Variants in IMMP2L observed in about 807,000 individuals in gnomAD.
IMMP2L encodes inner mitochondrial membrane peptidase subunit 2, also known as mitochondrial inner membrane protease subunit 2.
IMMP2L carries 18 observed loss-of-function variants against 19.3 expected under a neutral mutation model. The observed-to-expected ratio is 0.93, with a 90% CI of 0.64 to 1.38. The LOEUF is 1.38. Ranked by LOEUF, IMMP2L falls within the 40% of genes most tolerant of loss-of-function variation. The pLI is 0.00. For synonymous variants in IMMP2L, 76 were observed against 73.0 expected (o/e 1.04, Z -0.21); for missense variants, 233 against 218.2 (o/e 1.07, Z -0.43).
chr7:111,342,815 T>C (rs980947593), intron 3 of IMMP2L, among the ~76,000 whole-genome samples: 4 of 152,040 alleles, frequency 2.6e-5, no homozygotes, highest in Admixed American at 6.6e-5. Context: ...GTAGTAAGTA[T>C]TCACTCTTTC....
At chr7:111,401,411 A>G (rs551141181) in intron 3 of IMMP2L, among the ~76,000 whole-genome samples, 54 of 152,292 alleles carry the variant, frequency 3.5e-4, no homozygotes, top group African/African-American at 1.2e-3. Flanking sequence ...AAGGCAGAAT[A>G]TGGTTCTTTA....
chr7:111,307,048 TCC>T (rs1278533864), intron 3 of IMMP2L, among the ~76,000 whole-genome samples: 1 of 150,126 alleles, frequency 6.7e-6, no homozygotes, highest in African/African-American at 2.4e-5. Context: ...CTTTATATAG[TCC>T]TTAGTTTATC....
chr7:110,899,784 ACC>A (rs1293906676), intron 4 of IMMP2L, among the ~76,000 whole-genome samples: 1 of 152,158 alleles, frequency 6.6e-6, no homozygotes, highest in Non-Finnish European at 1.5e-5. Context: ...GGATCAGAGC[ACC>A]TGTATGTTTG....
intron 3 of IMMP2L, among the ~76,000 whole-genome samples, chr7:111,062,304 C>G (rs1794091589): frequency 1.3e-5 from 2 of 152,156 alleles, no homozygotes; most frequent in Admixed American, 6.5e-5. Context: ...TTAAAACCAT[C>G]AGATTTCATG....
At chr7:111,483,134 T>C (rs1842337113) in intron 3 of IMMP2L, among the ~76,000 whole-genome samples, 1 of 152,162 alleles carries the variant, frequency 6.6e-6, no homozygotes, top group Admixed American at 6.5e-5. Flanking sequence ...ACTATGGTTC[T>C]ATATAATGTT....
At chr7:111,238,215 A>G (rs1814568648) in intron 3 of IMMP2L, among the ~76,000 whole-genome samples, 1 of 152,032 alleles carries the variant, frequency 6.6e-6, no homozygotes, top group Non-Finnish European at 1.5e-5. Flanking sequence ...ATCCTGTACC[A>G]TAAGGAAGAA....
intron 3 of IMMP2L, among the ~76,000 whole-genome samples, chr7:111,183,198 T>C (rs1807905708): frequency 6.6e-6 from 1 of 152,128 alleles, no homozygotes; most frequent in Non-Finnish European, 1.5e-5. Flanking sequence ...TAATAATGCA[T>C]AAACATTGTG....
chr7:110,762,571 T>C (rs755824661), intron 5 of IMMP2L, among the ~76,000 whole-genome samples: 1 of 152,178 alleles, frequency 6.6e-6, no homozygotes, highest in Non-Finnish European at 1.5e-5. Flanking sequence ...CTTCACTCTT[T>C]TGTATCCTTC....
chr7:111,520,984 G>A (rs1846275888), intron 2 of IMMP2L, among the ~76,000 whole-genome samples: 1 of 151,938 alleles, frequency 6.6e-6, no homozygotes, highest in African/African-American at 2.4e-5. Context: ...CTAATAATTT[G>A]GCATTAAAAG....
chr7:111,430,240 C>T (rs908614834), intron 3 of IMMP2L, among the ~76,000 whole-genome samples: 3 of 151,576 alleles, frequency 2.0e-5, no homozygotes, highest in African/African-American at 4.9e-5. Flanking sequence ...TAAAGAAATA[C>T]GTTTGAATTT....
At chr7:111,557,907 T>A (rs1227273243) in intron 1 of IMMP2L, among the ~76,000 whole-genome samples, 2 of 151,112 alleles carry the variant, frequency 1.3e-5, no homozygotes, top group Non-Finnish European at 3.0e-5. Context: ...GGACTTTGAG[T>A]ATAGAAAAAA....
intron 3 of IMMP2L, among the ~76,000 whole-genome samples, chr7:111,480,278 T>A (rs575526171): frequency 6.6e-6 from 1 of 151,714 alleles, no homozygotes; most frequent in African/African-American, 2.4e-5. Flanking sequence ...AGAGATGGGG[T>A]TTCACCGTAG....
At chr7:111,444,860 T>A (rs1838147461) in intron 3 of IMMP2L, among the ~76,000 whole-genome samples, 1 of 152,078 alleles carries the variant, frequency 6.6e-6, no homozygotes, top group Admixed American at 6.5e-5. Context: ...AGTAGGAAGG[T>A]CTGTCCCTTC....
intron 5 of IMMP2L, among the ~76,000 whole-genome samples, chr7:110,699,445 C>A (rs984557459): frequency 2.0e-5 from 3 of 152,074 alleles, no homozygotes; most frequent in Non-Finnish European, 4.4e-5. Context: ...ACAGGTAGAA[C>A]CTGTGACTTG....
At chr7:110,941,898 G>A (rs1585364346) in intron 4 of IMMP2L, among the ~76,000 whole-genome samples, 1 of 150,726 alleles carries the variant, frequency 6.6e-6, no homozygotes, top group African/African-American at 2.4e-5. Context: ...AATTATGGAT[G>A]TACTGGGGAG....
chr7:110,933,919 T>G (rs1815789231), intron 4 of IMMP2L, among the ~76,000 whole-genome samples: 1 of 152,210 alleles, frequency 6.6e-6, no homozygotes, highest in African/African-American at 2.4e-5. Flanking sequence ...CTAGTTCTTT[T>G]AATTGTGATG....
In IMMP2L at chr7:111,411,094, A is replaced by G. The variant is rs115934452; in HGVS notation, c.239+76144T>C. On this transcript the variant is annotated intron_variant, in intron 3 of 5. Transcript: ENST00000405709. Reference sequence around the variant, plus strand: ...GACATGATATAATCAAATTGCTAAAAAAAAAAAAAAAAAGTAACAAAGAAA... The same window carrying G: ...GACATGATATAATCAAATTGCTAAAGAAAAAAAAAAAAAGTAACAAAGAAA... 8.5e-3 allele frequency among the ~76,000 whole-genome samples: 1,274 copies of G among 150,316 alleles called. 38 individuals are homozygous for G. The highest frequency in any genetic ancestry group is 0.03 in the African/African-American group (1,220 of 40,840).
Position 111,337,955 on chromosome 7 carries a change from T to C in IMMP2L, c.239+149283A>G, listed in dbSNP as rs372439878. Among the ~76,000 whole-genome samples, 68 of 152,240 alleles carry C rather than the reference T, an allele frequency of 4.5e-4. 1 individual carries two copies. Among genetic ancestry groups the C allele is most frequent in the African/African-American group, 1.4e-3 (59 of 41,558 alleles). ...AGAGATACAAAGAAATAAAAAGGACTGCCTCTGCACATAATCCAGTTGGAG... is the reference window on the plus strand; with the variant it reads ...AGAGATACAAAGAAATAAAAAGGACCGCCTCTGCACATAATCCAGTTGGAG... On this transcript the variant is annotated intron_variant, in intron 3 of 5. Transcript: ENST00000405709.
chr7:110,939,348 T>C (rs1456904741), intron 4 of IMMP2L, among the ~76,000 whole-genome samples: 1 of 148,174 alleles, frequency 6.7e-6, no homozygotes. Context: ...GCTTCCATGT[T>C]TGGCCAGATT....
Sources: allele counts gnomAD v4.1 joint callset (sites outside exome capture counted in the v4.1 genomes callset), GRCh38; gene constraint gnomAD v4.1.1; transcripts MANE v1.5; gene names NCBI Gene and HGNC (gene_info 2026-07-23, HGNC 2026-07-21).